Variants in PRR16 observed in about 807,000 individuals in gnomAD.
PRR16 encodes protein Largen.
In PRR16, 6 loss-of-function variants were observed where a neutral mutation model predicts 18.2. That is an observed-to-expected ratio of 0.33 (90% confidence interval 0.18 to 0.65). The LOEUF (loss-of-function observed/expected upper bound fraction) is 0.65, where lower values mean the gene tolerates loss of function less well. Among genes scored for constraint, PRR16 ranks in the 30% least tolerant of loss-of-function variants. PRR16 has a pLI of 0.74. For missense variants in PRR16, 412 were observed against 376.6 expected (o/e 1.09, Z -0.78); for synonymous variants, 151 against 147.8 (o/e 1.02, Z -0.16).
intron 1 of PRR16, among the ~76,000 whole-genome samples, chr5:120,466,012 C>T (rs1234369220): frequency 1.3e-5 from 2 of 152,142 alleles, no homozygotes; most frequent in Non-Finnish European, 2.9e-5. Flanking sequence ...ATGGGCCATT[C>T]GTCACCAGGG....
At chr5:120,698,939 G>A in the PRR16 span, among the ~76,000 whole-genome samples, 1 of 152,132 alleles carries the variant, frequency 6.6e-6, no homozygotes, top group Admixed American at 6.5e-5. Flanking sequence ...TACAGAGGTG[G>A]GAAGGCTAAA....
At chr5:120,769,332 G>A in the PRR16 span, among the ~76,000 whole-genome samples, 114 of 151,764 alleles carry the variant, frequency 7.5e-4, 4 homozygotes, top group South Asian at 0.021. Context: ...AAGTTTTCTT[G>A]TGTCTCCCCC....
intron 1 of PRR16, among the ~76,000 whole-genome samples, chr5:120,665,615 A>C (rs1756344912): frequency 6.6e-6 from 1 of 152,066 alleles, no homozygotes; most frequent in Non-Finnish European, 1.5e-5. Flanking sequence ...TCTTTAATCC[A>C]TCTCGAATTA....
intron 1 of PRR16, among the ~76,000 whole-genome samples, chr5:120,663,856 G>T (rs1370116666): frequency 6.6e-6 from 1 of 152,126 alleles, no homozygotes; most frequent in African/African-American, 2.4e-5. Flanking sequence ...GACATGCAAT[G>T]AGACTCTGGT....
chr5:120,633,318 C>T (rs1264165903), intron 1 of PRR16, among the ~76,000 whole-genome samples: 1 of 151,894 alleles, frequency 6.6e-6, no homozygotes, highest in South Asian at 2.1e-4. Context: ...TGAAAAAGAA[C>T]CAATGTATTC....
Position 120,676,108 on chromosome 5 carries a change from G to T in PRR16, c.160-9846G>T, listed in dbSNP as rs541995249. 2.3e-3 allele frequency among the ~76,000 whole-genome samples: 351 copies of T among 152,170 alleles called. 2 individuals are homozygous for T. The highest frequency in any genetic ancestry group is 7.9e-3 in the African/African-American group (330 of 41,526). ...TGATTAGATATGTGCCTCTGTGTGG[G>T]TGTGTGTATTTTATTGTCACTGTTT... On this transcript the variant is annotated intron_variant, in intron 1 of 1. Transcript: ENST00000407149.
In PRR16 at chr5:120,596,559, A is replaced by G. The variant is rs940617017; in HGVS notation, c.160-89395A>G. 2.0e-5 allele frequency among the ~76,000 whole-genome samples: 3 copies of G among 151,902 alleles called. No individual in the cohort carries two copies. The South Asian group carries it at 6.2e-4, about 32-fold the overall frequency. On this transcript the variant is annotated intron_variant, in intron 1 of 1. Coordinates refer to ENST00000407149, the MANE Select transcript of PRR16 (RefSeq NM_001300783.2). ...CCATATGAAAAGTGCAGAGGATGAGATAATCAATACCTCTATATCAATTGC... is the reference window on the plus strand; with the variant it reads ...CCATATGAAAAGTGCAGAGGATGAGGTAATCAATACCTCTATATCAATTGC...
At chr5:120,590,630 G>A (rs1753600971) in intron 1 of PRR16, among the ~76,000 whole-genome samples, 1 of 152,070 alleles carries the variant, frequency 6.6e-6, no homozygotes, top group Non-Finnish European at 1.5e-5. Context: ...GGGAGACTTA[G>A]AAGTTAGACA....
Position 120,506,089 on chromosome 5 carries a change from A to T in PRR16, c.159+41444A>T, listed in dbSNP as rs1404505177. Reference sequence around the variant, plus strand: ...TTTCTTGCCTTCAGAACTTAAAAGTATTGATTTCTTAGAAATGATGCTTTA... The same window carrying T: ...TTTCTTGCCTTCAGAACTTAAAAGTTTTGATTTCTTAGAAATGATGCTTTA... On this transcript the variant is annotated intron_variant, in intron 1 of 1. Coordinates refer to ENST00000407149, the MANE Select transcript of PRR16 (RefSeq NM_001300783.2). Among the ~76,000 whole-genome samples the T allele has an allele frequency of 3.9e-5, 6 of 152,032 alleles. No individual in the cohort carries two copies. In the East Asian group the frequency reaches 9.7e-4, roughly 25 times the overall value.
the PRR16 span, among the ~76,000 whole-genome samples, chr5:120,708,401 T>G: frequency 6.6e-6 from 1 of 152,242 alleles, no homozygotes; most frequent in Non-Finnish European, 1.5e-5. Context: ...GGTGATTAGT[T>G]GCTTTTATCC....
intron 1 of PRR16, among the ~76,000 whole-genome samples, chr5:120,484,073 G>A (rs1173860118): frequency 6.6e-6 from 1 of 151,608 alleles, no homozygotes; most frequent in Non-Finnish European, 1.5e-5. Flanking sequence ...GCTCAACACA[G>A]GAAAAACCCA....
At chr5:120,510,770 A>G (rs1342722630) in intron 1 of PRR16, among the ~76,000 whole-genome samples, 1 of 152,214 alleles carries the variant, frequency 6.6e-6, no homozygotes, top group East Asian at 1.9e-4. Context: ...GTCAATAAAT[A>G]CAGTGTTATA....
At chr5:120,583,433 A>T (rs1352692270) in intron 1 of PRR16, among the ~76,000 whole-genome samples, 1 of 152,082 alleles carries the variant, frequency 6.6e-6, no homozygotes, top group Non-Finnish European at 1.5e-5. Context: ...GAAAACAATG[A>T]GCCACATTTT....
chr5:120,507,234 C>T (rs532458524), intron 1 of PRR16, among the ~76,000 whole-genome samples: 6 of 152,168 alleles, frequency 3.9e-5, no homozygotes, highest in African/African-American at 9.6e-5. Context: ...CTTGCATCTA[C>T]AATATTTAAA....
At chr5:120,556,233 G>GTTTTTTTTT (rs34053155) in intron 1 of PRR16, among the ~76,000 whole-genome samples, 3 of 121,758 alleles carry the variant, frequency 2.5e-5, no homozygotes, top group African/African-American at 9.4e-5. Context: ...CAATTTCATT[G>GTTTTTTTTT]TTTTTTTTTT....
chr5:120,654,250 A>G (rs542830952), intron 1 of PRR16, among the ~76,000 whole-genome samples: 10 of 151,968 alleles, frequency 6.6e-5, no homozygotes, highest in Non-Finnish European at 1.5e-4. Context: ...TATGCACTGG[A>G]CTACCTACTT....
intron 1 of PRR16, chr5:120,658,140 C>A (rs1186557616): frequency 6.6e-6 from 1 of 151,870 alleles, no homozygotes; most frequent in Non-Finnish European, 1.5e-5. Flanking sequence ...TCTGCAAATA[C>A]AACTACAGAA....
intron 1 of PRR16, among the ~76,000 whole-genome samples, chr5:120,499,419 G>C (rs564967520): frequency 6.6e-6 from 1 of 151,954 alleles, no homozygotes; most frequent in Non-Finnish European, 1.5e-5. Flanking sequence ...ATGGATTCCC[G>C]AGTCTCTTTT....
At chr5:120,556,544 T>G (rs1752419644) in intron 1 of PRR16, among the ~76,000 whole-genome samples, 1 of 151,946 alleles carries the variant, frequency 6.6e-6, no homozygotes, top group African/African-American at 2.4e-5. Flanking sequence ...TGGTATAGCC[T>G]GTAGATACTC....
Sources: allele counts gnomAD v4.1 joint callset (sites outside exome capture counted in the v4.1 genomes callset), GRCh38; gene constraint gnomAD v4.1.1; transcripts MANE v1.5; gene names NCBI Gene and HGNC (gene_info 2026-07-23, HGNC 2026-07-21).